The following CCSER2 variants were observed in gnomAD, a reference collection of about 807,000 sequenced individuals.
CCSER2 encodes coiled-coil serine rich protein 2.
A neutral mutation model predicts 92.3 loss-of-function variants in CCSER2; 46 were observed. The ratio of observed to expected loss-of-function variants is 0.50; its 90% CI spans 0.39 to 0.64. The LOEUF (loss-of-function observed/expected upper bound fraction) is 0.64, where lower values mean the gene tolerates loss of function less well. Ranked by LOEUF, CCSER2 falls within the 30% of genes least tolerant of loss-of-function variation. The probability of loss-of-function intolerance (pLI) is 0.00; values close to 1 mark genes in which losing one functional copy is unlikely to be tolerated. For missense variants in CCSER2, 1,244 were observed against 1,238.9 expected (o/e 1.00, Z -0.06); for synonymous variants, 433 against 431.4 (o/e 1.00, Z -0.04).
At chr10:84,502,848 T>C (rs539830807) in intron 9 of CCSER2, among the ~76,000 whole-genome samples, 9 of 152,286 alleles carry the variant, frequency 5.9e-5, no homozygotes, top group Admixed American at 1.3e-4. Context: ...CAGAGTGAGA[T>C]AATTAATGTT....
In CCSER2 at chr10:84,477,568, T is replaced by TTA. The variant is rs1589769301; in HGVS notation, c.2236-7_2236-6insTA. On this transcript the variant is annotated splice_region_variant and splice_polypyrimidine_tract_variant and intron_variant, in intron 8 of 9. Transcript: ENST00000372088. ...AACCAATGTAAAAATTTTGTGTTTT[T>TTA]GTTTAGGCAACTCAGCATATCTGCC... The TTA allele has an allele frequency of 6.3e-7, 1 of 1,588,586 alleles. No homozygotes were observed. The highest frequency in any genetic ancestry group is 1.7e-4 in the Middle Eastern group (1 of 6,006).
intron 1 of CCSER2, among the ~76,000 whole-genome samples, chr10:84,332,749 C>G (rs1843651189): frequency 6.6e-6 from 1 of 151,848 alleles, no homozygotes; most frequent in Non-Finnish European, 1.5e-5. Context: ...CCTAGGAGTT[C>G]AAGACCAGCC....
At chr10:84,490,639 A>G (rs1433227139) in intron 9 of CCSER2, among the ~76,000 whole-genome samples, 1 of 152,110 alleles carries the variant, frequency 6.6e-6, no homozygotes, top group African/African-American at 2.4e-5. Flanking sequence ...TTAGCCATTC[A>G]TCTAATCTTT....
At chr10:84,417,892 G>A in intron 4 of CCSER2, 31 bp downstream of exon 4, 3 of 1,097,968 alleles carry the variant, frequency 2.7e-6, no homozygotes, top group South Asian at 1.2e-5. Flanking sequence ...ACCTTCAGAG[G>A]TATATACTTG....
chr10:84,356,095 C>G (rs1448197302), intron 1 of CCSER2, among the ~76,000 whole-genome samples: 2 of 124,138 alleles, frequency 1.6e-5, no homozygotes, highest in African/African-American at 7.2e-5. Context: ...AAGAGTGAAA[C>G]TGTCTCAAAA....
chr10:84,423,219 G>A (rs7917176), intron 4 of CCSER2, among the ~76,000 whole-genome samples: 152,267 of 152,354 alleles, frequency 1, 76,090 homozygotes, highest in Middle Eastern at 1. Flanking sequence ...TCTTAACAGC[G>A]TTTAAAAATA....
chr10:84,413,266 G>A (rs1242625472), intron 3 of CCSER2, among the ~76,000 whole-genome samples: 1 of 151,950 alleles, frequency 6.6e-6, no homozygotes, highest in Non-Finnish European at 1.5e-5. Context: ...GATCTTTCTA[G>A]CTCTTTGATA....
At chr10:84,363,824 G>A (rs918055971) in intron 1 of CCSER2, among the ~76,000 whole-genome samples, 6 of 152,136 alleles carry the variant, frequency 3.9e-5, no homozygotes, top group Admixed American at 6.6e-5. Context: ...ATCGCTTAAC[G>A]AAGGGGATCT....
At chr10:84,349,457 C>T (rs11201003) in intron 1 of CCSER2, among the ~76,000 whole-genome samples, 54,070 of 151,742 alleles carry the variant, frequency 0.36, 11,510 homozygotes, top group East Asian at 0.5. Context: ...ACTTGAGCTC[C>T]GGAGTTCGAG....
At chr10:84,457,414 AAT>A (rs1442925988) in intron 6 of CCSER2, among the ~76,000 whole-genome samples, 2 of 55,846 alleles carry the variant, frequency 3.6e-5, no homozygotes, top group African/African-American at 1.4e-4. Flanking sequence ...TATTTTAAAA[AAT>A]ATATTTAAAA....
chr10:84,470,708 A>G (rs1239111499), intron 8 of CCSER2, among the ~76,000 whole-genome samples: 1 of 152,066 alleles, frequency 6.6e-6, no homozygotes, highest in Non-Finnish European at 1.5e-5. Context: ...AAATTTACCA[A>G]TTTACATTCA....
intron 1 of CCSER2, among the ~76,000 whole-genome samples, chr10:84,354,780 C>T (rs1370237561): frequency 6.6e-6 from 1 of 151,728 alleles, no homozygotes; most frequent in Non-Finnish European, 1.5e-5. Flanking sequence ...TCTAGATATG[C>T]ACCTCAAAGT....
At chr10:84,468,237 A>G (rs771891176) in intron 7 of CCSER2, among the ~76,000 whole-genome samples, 15 of 152,196 alleles carry the variant, frequency 9.9e-5, no homozygotes, top group South Asian at 2.1e-4. Flanking sequence ...ACACTCCTCT[A>G]TCTTCTGAAT....
chr10:84,393,552 A>G (rs1332979124), intron 3 of CCSER2, among the ~76,000 whole-genome samples: 1 of 152,058 alleles, frequency 6.6e-6, no homozygotes, highest in Non-Finnish European at 1.5e-5. Flanking sequence ...ATTTTGGTGC[A>G]TGTTGGTGGC....
At chr10:84,400,015 T>G (rs1842039159) in intron 3 of CCSER2, among the ~76,000 whole-genome samples, 1 of 152,162 alleles carries the variant, frequency 6.6e-6, no homozygotes, top group South Asian at 2.1e-4. Flanking sequence ...TTTGTGTGTT[T>G]ATTGTCTATT....
intron 9 of CCSER2, among the ~76,000 whole-genome samples, chr10:84,483,776 A>AT (rs969733255): frequency 1.4e-5 from 2 of 145,312 alleles, no homozygotes; most frequent in African/African-American, 2.5e-5. Flanking sequence ...AAAAATGTCA[A>AT]TTTTTTTTCT....
chr10:84,338,038 T>C (rs955135801), intron 1 of CCSER2, among the ~76,000 whole-genome samples: 3 of 152,122 alleles, frequency 2.0e-5, no homozygotes, highest in Admixed American at 1.3e-4. Context: ...CTCAGTACTT[T>C]GGGAGGCTGA....
At chr10:84,467,635 C>T (rs942037027) in intron 7 of CCSER2, among the ~76,000 whole-genome samples, 1 of 152,086 alleles carries the variant, frequency 6.6e-6, no homozygotes, top group Non-Finnish European at 1.5e-5. Context: ...CCATCATGTC[C>T]CCACCTCCCC....
At chr10:84,419,005 A>G (rs775788448) in intron 4 of CCSER2, among the ~76,000 whole-genome samples, 1 of 149,262 alleles carries the variant, frequency 6.7e-6, no homozygotes, top group African/African-American at 2.4e-5. Flanking sequence ...GTCTTAGCTA[A>G]GAACTAGCAC....
Sources: allele counts gnomAD v4.1 joint callset (sites outside exome capture counted in the v4.1 genomes callset), GRCh38; gene constraint gnomAD v4.1.1; transcripts MANE v1.5; gene names NCBI Gene and HGNC (gene_info 2026-07-23, HGNC 2026-07-21).